Variants in NTF3 observed in about 807,000 individuals in gnomAD.
NTF3 encodes the protein neurotrophin 3.
A neutral mutation model predicts 26.3 loss-of-function variants in NTF3; 8 were observed. The observed-to-expected ratio is 0.30, with a 90% CI of 0.18 to 0.55. The LOEUF (loss-of-function observed/expected upper bound fraction) is 0.55. Among genes scored for constraint, NTF3 ranks in the 20% least tolerant of loss-of-function variants. The probability of loss-of-function intolerance (pLI) is 0.93; values close to 1 mark genes in which losing one functional copy is unlikely to be tolerated. For missense variants in NTF3, 276 were observed against 352.9 expected, an observed-to-expected ratio of 0.78 and a Z score of 1.75; for synonymous variants, 154 against 145.5, an observed-to-expected ratio of 1.06 and a Z score of -0.42.
intron 1 of NTF3, among the ~76,000 whole-genome samples, chr12:5,439,029 G>A (rs1591590750): frequency 1.3e-5 from 2 of 152,264 alleles, no homozygotes; most frequent in South Asian, 4.1e-4. Flanking sequence ...GTTTCCTTTT[G>A]GCCAAGAATG....
intron 1 of NTF3, among the ~76,000 whole-genome samples, chr12:5,471,673 T>C (rs1055976399): frequency 6.6e-6 from 1 of 151,804 alleles, no homozygotes; most frequent in Non-Finnish European, 1.5e-5. Flanking sequence ...CATGAGGATG[T>C]TTGTATAGAG....
chr12:5,432,602 C>CAG (rs1555141049), intron 1 of NTF3, among the ~76,000 whole-genome samples: 2,050 of 132,624 alleles, frequency 0.015, 77 homozygotes, highest in African/African-American at 0.053. Flanking sequence ...CACACACACA[C>CAG]ACACAGACAC....
At chr12:5,477,049 T>A (rs181416911) in intron 1 of NTF3, among the ~76,000 whole-genome samples, 4 of 152,262 alleles carry the variant, frequency 2.6e-5, no homozygotes, top group Admixed American at 1.3e-4. Flanking sequence ...CTAGGAAAAA[T>A]TATTTAAGGA....
intron 1 of NTF3, among the ~76,000 whole-genome samples, chr12:5,472,801 C>T (rs1008233833): frequency 2.6e-5 from 4 of 152,134 alleles, no homozygotes; most frequent in Non-Finnish European, 2.9e-5. Context: ...ACCACTGATT[C>T]GCAGGAGCTG....
chr12:5,472,697 A>C (rs1203441826), intron 1 of NTF3, among the ~76,000 whole-genome samples: 2 of 151,986 alleles, frequency 1.3e-5, no homozygotes, highest in African/African-American at 4.8e-5. Context: ...CTCTCTTCTC[A>C]TTTGCAACTG....
intron 1 of NTF3, among the ~76,000 whole-genome samples, chr12:5,470,532 G>A (rs1339565420): frequency 2.6e-5 from 4 of 152,190 alleles, no homozygotes; most frequent in South Asian, 2.1e-4. Flanking sequence ...GCTGTAACCC[G>A]AGTGAGCCAT....
At chr12:5,440,422 A>G (rs1175460464) in intron 1 of NTF3, among the ~76,000 whole-genome samples, 7 of 152,174 alleles carry the variant, frequency 4.6e-5, no homozygotes, top group African/African-American at 1.7e-4. Flanking sequence ...ATTTAAAAAT[A>G]TCCTTCTCTG....
intron 1 of NTF3, among the ~76,000 whole-genome samples, chr12:5,478,826 T>C (rs1238554573): frequency 6.6e-6 from 1 of 152,240 alleles, no homozygotes; most frequent in African/African-American, 2.4e-5. Flanking sequence ...CTGTTTCAGC[T>C]CATCGGGTCC....
intron 1 of NTF3, among the ~76,000 whole-genome samples, chr12:5,482,634 G>T (rs1010769540): frequency 6.6e-6 from 1 of 152,050 alleles, no homozygotes; most frequent in Non-Finnish European, 1.5e-5. Flanking sequence ...AAGAGCCACT[G>T]CCCAGTGTCT....
intron 1 of NTF3, among the ~76,000 whole-genome samples, chr12:5,438,997 C>A (rs886963698): frequency 6.6e-6 from 1 of 152,166 alleles, no homozygotes; most frequent in Non-Finnish European, 1.5e-5. Context: ...GGCAGAAAAG[C>A]GTGCAAAAAA....
chr12:5,454,806 T>G (rs536781475), intron 1 of NTF3, among the ~76,000 whole-genome samples: 96 of 151,922 alleles, frequency 6.3e-4, no homozygotes, highest in African/African-American at 2.2e-3. Context: ...AGATGGAGGG[T>G]CTTGGAAAGC....
intron 1 of NTF3, among the ~76,000 whole-genome samples, chr12:5,442,413 G>A (rs1361689828): frequency 1.3e-5 from 2 of 152,172 alleles, no homozygotes; most frequent in Non-Finnish European, 2.9e-5. Flanking sequence ...ATGTTGTACA[G>A]GTGTTGGGGC....
At chr12:5,447,191 A>G (rs1940317216) in intron 1 of NTF3, among the ~76,000 whole-genome samples, 1 of 152,220 alleles carries the variant, frequency 6.6e-6, no homozygotes, top group Non-Finnish European at 1.5e-5. Context: ...TTGGTTTTTG[A>G]TTAAAGGACA....
chr12:5,455,036 A>C (rs1158469767), intron 1 of NTF3, among the ~76,000 whole-genome samples: 1 of 152,190 alleles, frequency 6.6e-6, no homozygotes, highest in Non-Finnish European at 1.5e-5. Flanking sequence ...CTTCCTGGCC[A>C]GAATAACATT....
chr12:5,469,129 AAAG>A (rs754924557), intron 1 of NTF3, among the ~76,000 whole-genome samples: 2 of 151,778 alleles, frequency 1.3e-5, no homozygotes, highest in African/African-American at 4.9e-5. Context: ...TCAAAAAAAA[AAAG>A]AGGAAGAAGT....
At chr12:5,454,053 G>GT (rs1565387530) in intron 1 of NTF3, among the ~76,000 whole-genome samples, 2 of 152,156 alleles carry the variant, frequency 1.3e-5, no homozygotes, top group Admixed American at 1.3e-4. Flanking sequence ...TGGGGCTGCC[G>GT]TAACAAAGCA....
At chr12:5,460,117 A>T (rs1194949302) in intron 1 of NTF3, among the ~76,000 whole-genome samples, 1 of 152,164 alleles carries the variant, frequency 6.6e-6, no homozygotes, top group African/African-American at 2.4e-5. Flanking sequence ...CTCACTCCCC[A>T]GTTTTCTCCA....
chr12:5,447,148 C>T (rs1480542967), intron 1 of NTF3, among the ~76,000 whole-genome samples: 4 of 152,168 alleles, frequency 2.6e-5, no homozygotes, highest in African/African-American at 4.8e-5. Context: ...CCATCCCACC[C>T]CAAATATACA....
intron 1 of NTF3, among the ~76,000 whole-genome samples, chr12:5,466,954 C>T (rs544473849): frequency 7.2e-5 from 11 of 152,106 alleles, no homozygotes; most frequent in African/African-American, 2.7e-4. Flanking sequence ...GGTGCTTGGC[C>T]GGGTGCAGTG....
Sources: allele counts gnomAD v4.1 joint callset (sites outside exome capture counted in the v4.1 genomes callset), GRCh38; gene constraint gnomAD v4.1.1; transcripts MANE v1.5; gene names NCBI Gene and HGNC (gene_info 2026-07-23, HGNC 2026-07-21).